ARHGEF2: variants seen among roughly 807,000 people sequenced by gnomAD.
The protein encoded by ARHGEF2 is Rho/Rac guanine nucleotide exchange factor 2.
ARHGEF2 carries 22 observed loss-of-function variants against 121.0 expected under a neutral mutation model. The observed-to-expected ratio is 0.18, with a 90% CI of 0.13 to 0.26. ARHGEF2 has a LOEUF of 0.26. Among genes scored for constraint, ARHGEF2 ranks in the 10% least tolerant of loss-of-function variants. ARHGEF2 has a pLI of 1.00. For synonymous variants in ARHGEF2, 487 were observed against 530.0 expected (o/e 0.92, Z 1.11); for missense variants, 907 against 1,336.0 (o/e 0.68, Z 5.01).
At chr1:155,953,167 A>G (rs2102635565) in intron 14 of ARHGEF2, among the ~76,000 whole-genome samples, 1 of 151,266 alleles carries the variant, frequency 6.6e-6, no homozygotes, top group East Asian at 2.0e-4. Flanking sequence ...CAGGAGGCTG[A>G]GGCACAAGAA....
intron 12 of ARHGEF2, 94 bp from the exon 13 acceptor site, chr1:155,957,976 T>A: frequency 7.6e-7 from 1 of 1,307,660 alleles, no homozygotes; most frequent in Non-Finnish European, 1.0e-6. Context: ...CTGAAAGGAC[T>A]GAAGAGTCAT....
At position 155,950,321 on chromosome 1, in the gene ARHGEF2, C is replaced by A. The variant is rs901434700; in HGVS notation, c.2865G>T (p.Leu955=). The A allele has an allele frequency of 2.5e-6, 4 of 1,613,170 alleles. No homozygotes were observed. The highest frequency in any genetic ancestry group is 3.4e-6 in the Non-Finnish European group (4 of 1,180,010). Residue 955 remains leucine (L), a synonymous_variant, in exon 21 of 22, where the codon CTG becomes CTT. Coordinates refer to ENST00000361247, the MANE Select transcript of ARHGEF2 (RefSeq NM_001162383.2). The surrounding 1 kb of genome is among the most constrained non-coding windows in gnomAD (Gnocchi z 5.2). ...CACCTCGTGGACTGTGGGGCGGAGA[C>A]AGACGGCTGCTACCTTCCTCCTCGC... ...TGSEEEGSSR[L]SPPHSPRDFT...
chr1:155,953,461 G>GA (rs1334577007), intron 14 of ARHGEF2, among the ~76,000 whole-genome samples: 2 of 152,062 alleles, frequency 1.3e-5, no homozygotes, highest in Admixed American at 1.3e-4. Context: ...CAATGGATAT[G>GA]AGCATCTTCC....
At chr1:155,958,458 C>T (rs1677139263) in intron 11 of ARHGEF2, 62 bp from the exon 12 acceptor site, 1 of 1,351,656 alleles carries the variant, frequency 7.4e-7, no homozygotes, top group Non-Finnish European at 1.1e-6. Flanking sequence ...CTGCTTCCCT[C>T]TTTCCCAAGG....
Position 155,953,763 on chromosome 1 carries a change from A to G in ARHGEF2, c.1784-935T>C, listed in dbSNP as rs543385159. On this transcript the variant is annotated intron_variant, in intron 14 of 21. Transcript: ENST00000361247. The stretch of plus-strand genomic sequence containing the variant: ...CCCTGTCTCAAAAAAAAAAAAAAAA[A>G]AAAGAAAGAAAGAAAAAGAAAAAAG... Among the ~76,000 whole-genome samples, 158 of 151,696 alleles carry G rather than the reference A, an allele frequency of 1.0e-3. 1 individual carries two copies. The highest frequency in any genetic ancestry group is 3.4e-3 in the Middle Eastern group (1 of 294).
At chr1:155,966,910 G>T in intron 2 of ARHGEF2, 23 bp from the exon 3 acceptor site, 1 of 1,611,062 alleles carries the variant, frequency 6.2e-7, no homozygotes. Context: ...GGTAGAGAGG[G>T]TGAAGGGAGG....
Position 155,962,427 on chromosome 1 carries a change from G to A in ARHGEF2, c.1101+166C>T, listed in dbSNP as rs911995441. 7.1e-6 allele frequency: 8 copies of A among 1,128,138 alleles called. No individual in the cohort carries two copies. In the East Asian group the frequency reaches 1.4e-4, roughly 20 times the overall value. 69.9% of individuals were successfully genotyped at this position (1,128,138 alleles called of 1,614,324 possible). On this transcript the variant is annotated intron_variant, in intron 9 of 21. Transcript: ENST00000361247. This position sits in a 1 kb window ranked among gnomAD's most constrained non-coding sequence, Gnocchi z 5.8. ...AGTACTTGGGAAACTACCACAACGT[G>A]CTCTAGCATTCTGAGGGGTTACTGC...
rs1678102915 is a variant in ARHGEF2, at chr1:155,962,226, C to A, written c.1102-4G>T. 1 of 1,613,616 alleles carries A rather than the reference C, an allele frequency of 6.2e-7. No homozygotes were observed. The highest frequency in any genetic ancestry group is 1.3e-5 in the African/African-American group (1 of 75,052). ...GCACGGCGGGGCGGGTCACTTTCTA[C>A]AAGGGAGGAGGCAGGGCTCAGGGCC... On this transcript the variant is annotated splice_polypyrimidine_tract_variant and splice_region_variant and intron_variant, in intron 9 of 21. Coordinates refer to ENST00000361247, the MANE Select transcript of ARHGEF2 (RefSeq NM_001162383.2). This position sits in a 1 kb window ranked among gnomAD's most constrained non-coding sequence, Gnocchi z 5.8.
chr1:155,950,527 G>A lies in ARHGEF2; in HGVS notation c.2704-45C>T, dbSNP rs372040342. 1 of 1,587,196 alleles carries A rather than the reference G, an allele frequency of 6.3e-7. No homozygotes were observed. Among genetic ancestry groups the A allele is most frequent in the African/African-American group, 1.3e-5 (1 of 74,588 alleles). Reference sequence around the variant, plus strand: ...AGAACAGCAGGTCAGGGACTGAGTAGTGTGAAGATTGGAGGTTCTGCTTGG... The same window carrying A: ...AGAACAGCAGGTCAGGGACTGAGTAATGTGAAGATTGGAGGTTCTGCTTGG... On this transcript the variant is annotated intron_variant, in intron 20 of 21. Transcript: ENST00000361247. This position sits in a 1 kb window ranked among gnomAD's most constrained non-coding sequence, Gnocchi z 5.2.
At chr1:155,978,607 C>G (rs1169974798), upstream of ARHGEF2, 5 of 1,262,080 alleles carry the variant, frequency 4.0e-6, no homozygotes, top group Non-Finnish European at 5.0e-6. This position sits in a 1 kb window ranked among gnomAD's most constrained non-coding sequence, Gnocchi z 4.1. Context: ...CGCCCAAGCT[C>G]AGGAAGGGGG....
In ARHGEF2 at chr1:155,960,468, T is replaced by TA. The variant is rs1248773492; in HGVS notation, c.1468+1192dup. On this transcript the variant is annotated intron_variant, in intron 11 of 21. Transcript: ENST00000361247. ...GAGCAGCAAAGCGAGACCCTGTTTC[T>TA]AAAAAAAAAAAAAAAGAGAGAGAAA... is the stretch of plus-strand genomic sequence containing the variant. Among the ~76,000 whole-genome samples, 623 of 77,916 alleles carry TA rather than the reference T, an allele frequency of 8.0e-3. 7 individuals carry two copies. The highest frequency in any genetic ancestry group is 0.018 in the African/African-American group (564 of 31,120). The allele number at this position is 77,916 out of a possible 152,430, so 51.1% of individuals were successfully genotyped here. A position where few individuals can be genotyped will look rare whatever the true frequency, so the allele number is the denominator to read the frequency against.
upstream of ARHGEF2, chr1:155,979,285 G>C: frequency 1.0e-6 from 1 of 985,400 alleles, no homozygotes; most frequent in Non-Finnish European, 1.2e-6. Context: ...GGCCTTCCAT[G>C]TGTCTAACTG....
intron 1 of ARHGEF2, chr1:155,972,153 C>A: frequency 2.5e-6 from 1 of 398,860 alleles, no homozygotes. Context: ...CTGGGGCAGC[C>A]AGAGAACAGG....
intron 13 of ARHGEF2, among the ~76,000 whole-genome samples, chr1:155,956,011 A>G (rs780714151): frequency 6.6e-6 from 1 of 152,174 alleles, no homozygotes; most frequent in African/African-American, 2.4e-5. Context: ...CCTGGCCACA[A>G]TTATAAATAT....
rs765371022 is a variant in ARHGEF2, at chr1:155,947,106, C to T, written c.*836G>A. 51 of 343,734 alleles carry T rather than the reference C, an allele frequency of 1.5e-4. No homozygotes were observed. The highest frequency in any genetic ancestry group is 9.4e-4 in the Middle Eastern group (1 of 1,066). The allele number at this position is 343,734 out of a possible 1,614,324, so 21.3% of individuals were successfully genotyped here. A position where few individuals can be genotyped will look rare whatever the true frequency, so the allele number is the denominator to read the frequency against. Reference sequence around the variant, plus strand: ...CTGGGGAAGAGGTCAGTATAGGTCCCCCCGTTACTGCAGATGAAGGCAGAA... The same window carrying T: ...CTGGGGAAGAGGTCAGTATAGGTCCTCCCGTTACTGCAGATGAAGGCAGAA... On this transcript the variant is annotated 3_prime_UTR_variant, in exon 22 of 22. Transcript: ENST00000361247.
At chr1:155,964,947 C>T (rs779258117) in intron 7 of ARHGEF2, 41 bp downstream of exon 7, 2 of 1,566,372 alleles carry the variant, frequency 1.3e-6, no homozygotes, top group Non-Finnish European at 1.7e-6. Flanking sequence ...ATAAACAGGA[C>T]CTGGTGAAGG....
In ARHGEF2 at chr1:155,961,696, C is replaced by T; in HGVS notation, c.1433G>A (p.Cys478Tyr). ...LLRRKLIHDG[C>Y]LLWKTATGRF... Reference sequence around the variant, plus strand: ...CCCCGTCGCTGTCTTCCAGAGCAGGCAGCCATCGTGGATGAGTTTGCGCCT... The same window carrying T: ...CCCCGTCGCTGTCTTCCAGAGCAGGTAGCCATCGTGGATGAGTTTGCGCCT... The change falls in exon 11 of 22, where the codon TGC becomes TAC. Residue 478 changes from cysteine (C) to tyrosine (Y), a missense_variant. Coordinates refer to ENST00000361247, the MANE Select transcript of ARHGEF2 (RefSeq NM_001162383.2). The surrounding 1 kb of genome is among the most constrained non-coding windows in gnomAD (Gnocchi z 4.7). 6.2e-7 allele frequency: 1 copy of T among 1,613,712 alleles called. No individual in the cohort carries two copies. Among genetic ancestry groups the T allele is most frequent in the Non-Finnish European group, 8.5e-7 (1 of 1,180,024 alleles).
At position 155,961,857 on chromosome 1, in the gene ARHGEF2, C is replaced by T; in HGVS notation, c.1272G>A (p.Glu424=). The part of the protein sequence containing the change: ...DLTTALGLVK[E]LLSNVDEGIY... ...TACCCTCGTCCACATTGGACAGCAG[C>T]TCCTTCACTAGCCCCAGTGCTGTGG... The change falls in exon 11 of 22, where the codon GAG becomes GAA. Residue 424 remains glutamate (E), a synonymous_variant. Coordinates refer to ENST00000361247, the MANE Select transcript of ARHGEF2 (RefSeq NM_001162383.2). The surrounding 1 kb of genome is among the most constrained non-coding windows in gnomAD (Gnocchi z 4.7). 4 of 1,614,198 alleles carry T rather than the reference C, an allele frequency of 2.5e-6. No individual in the cohort carries two copies. Among genetic ancestry groups the T allele is most frequent in the Non-Finnish European group, 3.4e-6 (4 of 1,180,034 alleles).
At chr1:155,974,416 G>A (rs1415891356) in intron 1 of ARHGEF2, among the ~76,000 whole-genome samples, 1 of 152,146 alleles carries the variant, frequency 6.6e-6, no homozygotes, top group Non-Finnish European at 1.5e-5. Flanking sequence ...AGGCGCCGTT[G>A]GCTATGAAGG....
Sources: allele counts gnomAD v4.1 joint callset (sites outside exome capture counted in the v4.1 genomes callset), GRCh38; gene constraint gnomAD v4.1.1; non-coding constraint Gnocchi (gnomAD v3.1); transcripts MANE v1.5; gene names NCBI Gene and HGNC (gene_info 2026-07-23, HGNC 2026-07-21).